SDC3: variants seen among roughly 807,000 people sequenced by gnomAD.
The protein encoded by SDC3 is syndecan 3, also known as syndecan-3.
In SDC3, 13 loss-of-function variants were observed where a neutral mutation model predicts 24.4. That is an observed-to-expected ratio of 0.53 (90% CI 0.35 to 0.85). The LOEUF (loss-of-function observed/expected upper bound fraction) is 0.85, where lower values mean the gene tolerates loss of function less well. SDC3 is among the 40% of genes least tolerant of loss of function. The pLI, the probability that SDC3 is intolerant of heterozygous loss-of-function variation, is 0.01. For synonymous variants in SDC3, 295 were observed against 260.9 expected, an observed-to-expected ratio of 1.13 and a Z score of -1.26; for missense variants, 571 against 584.5, an observed-to-expected ratio of 0.98 and a Z score of 0.24.
chr1:30,875,231 A>G (rs1639616488), intron 3 of SDC3, among the ~76,000 whole-genome samples: 1 of 152,204 alleles, frequency 6.6e-6, no homozygotes, highest in Admixed American at 6.5e-5. Context: ...TCGCTACTTC[A>G]AAGGTGGGCA....
At position 30,878,543 on chromosome 1, in the gene SDC3, C is replaced by A. The variant is rs995536186; in HGVS notation, c.256+80G>T. The A allele has an allele frequency of 6.9e-6, 8 of 1,163,002 alleles. No homozygotes were observed. In the African/African-American group the frequency reaches 1.1e-4, roughly 15 times the overall value. The allele number at this position is 1,163,002 out of a possible 1,614,324, so 72.0% of individuals were successfully genotyped here. A position where few individuals can be genotyped will look rare whatever the true frequency, so the allele number is the denominator to read the frequency against. On this transcript the variant is annotated intron_variant, in intron 2 of 4. Transcript: ENST00000339394. ...TGCCCCCTGCCTCACTGAAGCAAGC[C>A]CCCCGTGGGCTTCTCAGAGTTGAGG...
intron 1 of SDC3, among the ~76,000 whole-genome samples, chr1:30,894,132 T>TGA (rs535601797): frequency 4.0e-5 from 6 of 151,358 alleles, no homozygotes; most frequent in Non-Finnish European, 8.8e-5. Flanking sequence ...TGTGTGTGTG[T>TGA]GAGAGAGAGT....
At chr1:30,875,875 G>C (rs1639628733) in intron 3 of SDC3, among the ~76,000 whole-genome samples, 1 of 152,198 alleles carries the variant, frequency 6.6e-6, no homozygotes, top group Non-Finnish European at 1.5e-5. Context: ...TGACCACAGT[G>C]CTGCCCGTGG....
intron 1 of SDC3, among the ~76,000 whole-genome samples, chr1:30,904,625 C>T (rs1638481202): frequency 6.6e-6 from 1 of 152,144 alleles, no homozygotes; most frequent in South Asian, 2.1e-4. Context: ...AAATCCCAGC[C>T]CTGCCTTGAG....
chr1:30,907,704 C>A (rs763378047), intron 1 of SDC3, among the ~76,000 whole-genome samples: 3 of 152,178 alleles, frequency 2.0e-5, no homozygotes, highest in Non-Finnish European at 4.4e-5. Flanking sequence ...CCTTCACCTG[C>A]ACACGCCCCA....
chr1:30,887,690 C>G (rs1639850817), intron 1 of SDC3, among the ~76,000 whole-genome samples: 1 of 152,232 alleles, frequency 6.6e-6, no homozygotes, highest in South Asian at 2.1e-4. Context: ...GTGGCAGTGA[C>G]TGGGTCTGTG....
At chr1:30,875,465 C>T (rs144509687) in intron 3 of SDC3, among the ~76,000 whole-genome samples, 1 of 152,196 alleles carries the variant, frequency 6.6e-6, no homozygotes, top group Non-Finnish European at 1.5e-5. Context: ...CCTGCTAGAG[C>T]TGGCTGGGGA....
At position 30,875,223 on chromosome 1, in the gene SDC3, G is replaced by A. The variant is rs145766592; in HGVS notation, c.871-635C>T. The stretch of plus-strand genomic sequence containing the variant: ...TGGGAGCCATCAGAGCAGGGATGTC[G>A]CTACTTCAAAGGTGGGCATGGAAAG... On this transcript the variant is annotated intron_variant, in intron 3 of 4. Coordinates refer to ENST00000339394, the MANE Select transcript of SDC3 (RefSeq NM_014654.4). Among the ~76,000 whole-genome samples, 88 of 152,320 alleles carry A rather than the reference G, an allele frequency of 5.8e-4. No homozygotes were observed. In the East Asian group the frequency reaches 0.016, roughly 27 times the overall value.
At chr1:30,892,599 G>C (rs1183567068) in intron 1 of SDC3, among the ~76,000 whole-genome samples, 1 of 152,186 alleles carries the variant, frequency 6.6e-6, no homozygotes, top group African/African-American at 2.4e-5. Context: ...ACACAGTCTT[G>C]TTCCCCAAAC....
chr1:30,885,116 T>G (rs1485217775), intron 1 of SDC3, among the ~76,000 whole-genome samples: 1 of 152,212 alleles, frequency 6.6e-6, no homozygotes, highest in Non-Finnish European at 1.5e-5. Flanking sequence ...GATGTGACTT[T>G]GGGCAGATAT....
At chr1:30,881,027 GCACACACA>G (rs146814082) in intron 1 of SDC3, among the ~76,000 whole-genome samples, 2 of 134,590 alleles carry the variant, frequency 1.5e-5, no homozygotes, top group Non-Finnish European at 3.2e-5. Flanking sequence ...GCGCACGCAT[GCACACACA>G]CACACACACA....
chr1:30,873,075 G>A lies in SDC3; in HGVS notation c.*136C>T. 1 of 702,206 alleles carries A rather than the reference G, an allele frequency of 1.4e-6. No individual in the cohort carries two copies. Among genetic ancestry groups the A allele is most frequent in the East Asian group, 2.5e-5 (1 of 40,398 alleles). 43.5% of individuals were successfully genotyped at this position (702,206 alleles called of 1,614,324 possible). On this transcript the variant is annotated 3_prime_UTR_variant, in exon 5 of 5. Coordinates refer to ENST00000339394, the MANE Select transcript of SDC3 (RefSeq NM_014654.4). ...AGATCTGTGTGAGGCTGGCAGCCTG[G>A]GCAGACCTTGGGAGAGAGGGCAGAG...
chr1:30,872,964 A>G lies in SDC3; in HGVS notation c.*247T>C. On this transcript the variant is annotated 3_prime_UTR_variant, in exon 5 of 5. Transcript: ENST00000339394. ...CTGACATGAGGTCCTGAAGCCCCAGACTGGTGGCAGGGATGAGGGGAACAA... is the reference window on the plus strand; with the variant it reads ...CTGACATGAGGTCCTGAAGCCCCAGGCTGGTGGCAGGGATGAGGGGAACAA... The G allele has an allele frequency of 2.0e-6, 1 of 511,854 alleles. No homozygotes were observed. The highest frequency in any genetic ancestry group is 3.5e-6 in the Non-Finnish European group (1 of 289,806). 31.7% of individuals were successfully genotyped at this position (511,854 alleles called of 1,614,324 possible). A position where few individuals can be genotyped will look rare whatever the true frequency, so the allele number is the denominator to read the frequency against.
rs1639663311 is a variant in SDC3 at position 30,877,338 on chromosome 1, C to G, written c.257-173G>C. 3.5e-6 allele frequency: 3 copies of G among 856,074 alleles called. No homozygotes were observed. The East Asian group carries it at 8.0e-5, about 23-fold the overall frequency. The allele number at this position is 856,074 out of a possible 1,614,324, so 53.0% of individuals were successfully genotyped here. A position where few individuals can be genotyped will look rare whatever the true frequency, so the allele number is the denominator to read the frequency against. Reference sequence around the variant, plus strand: ...AAGGCACAGCCCAGCTAAAGGTGGTCAGTTGCTGATGTTCCCCAACTTCTC... The same window carrying G: ...AAGGCACAGCCCAGCTAAAGGTGGTGAGTTGCTGATGTTCCCCAACTTCTC... On this transcript the variant is annotated intron_variant, in intron 2 of 4. Coordinates refer to ENST00000339394, the MANE Select transcript of SDC3 (RefSeq NM_014654.4).
At position 30,878,675 on chromosome 1, in the gene SDC3, G is replaced by T. The variant is rs141970074; in HGVS notation, c.204C>A (p.Asp68Glu). 245 of 1,614,214 alleles carry T rather than the reference G, an allele frequency of 1.5e-4. No homozygotes were observed. In the East Asian group the frequency reaches 5.4e-3, roughly 36 times the overall value. The change falls in exon 2 of 5, where the codon GAC (aspartate) becomes GAA (glutamate). Residue 68 changes from aspartate to glutamate, a missense_variant. By Grantham distance (45) the Asp-to-Glu change is conservative (BLOSUM62 2). Transcript: ENST00000339394. Reference sequence around the variant, plus strand: ...CATCCAGTTCATCATCGGGAAAGGAGTCATCATCCCCAGAGCCCTCCAGGT... The same window carrying T: ...CATCCAGTTCATCATCGGGAAAGGATTCATCATCCCCAGAGCCCTCCAGGT... ...PVDLEGSGDD[D>E]SFPDDELDDL...
intron 1 of SDC3, among the ~76,000 whole-genome samples, chr1:30,879,304 C>T (rs1639702534): frequency 6.6e-6 from 1 of 152,146 alleles, no homozygotes; most frequent in African/African-American, 2.4e-5. Context: ...GGAGGTGCCC[C>T]CTCACAAAAT....
rs1336430910 is a variant in SDC3, at chr1:30,884,496, A to ACCTCCAGTCTGCCTG, written c.139-5757_139-5756insCAGGCAGACTGGAGG. On this transcript the variant is annotated intron_variant, in intron 1 of 4. Coordinates refer to ENST00000339394, the MANE Select transcript of SDC3 (RefSeq NM_014654.4). ...AGAGCCCTCCCTACCCCAAGCCTGTATCTCTCCTGTCACCTCCAGTCTGCC... is the reference window on the plus strand; with the variant it reads ...AGAGCCCTCCCTACCCCAAGCCTGTACCTCCAGTCTGCCTGTCTCTCCTGTCACCTCCAGTCTGCC... Among the ~76,000 whole-genome samples, 30 of 152,118 alleles carry ACCTCCAGTCTGCCTG rather than the reference A, an allele frequency of 2.0e-4. No individual in the cohort carries two copies. The South Asian group carries it at 6.0e-3, about 31-fold the overall frequency.
At chr1:30,906,314 C>T (rs1368022990) in intron 1 of SDC3, among the ~76,000 whole-genome samples, 13 of 152,120 alleles carry the variant, frequency 8.5e-5, no homozygotes, top group Admixed American at 8.5e-4. Flanking sequence ...CAGTACCTGC[C>T]CTCCCCCAGG....
chr1:30,879,049 G>T (rs989328688), intron 1 of SDC3: 17 of 280,122 alleles, frequency 6.1e-5, no homozygotes, highest in African/African-American at 3.6e-4. Context: ...TGGTTCAGTA[G>T]GTCTGGGGTG....
Sources: gnomAD v4.1 joint callset for allele counts (sites outside exome capture counted in the v4.1 genomes callset) on GRCh38, gnomAD v4.1.1 for gene constraint, MANE v1.5 for transcripts, NCBI Gene and HGNC (gene_info 2026-07-23, HGNC 2026-07-21) for gene names.